The following PPARGC1A variants were observed in gnomAD, a reference collection of about 807,000 sequenced individuals.
PPARGC1A encodes peroxisome proliferator-activated receptor gamma coactivator 1-alpha.
Under a neutral mutation model 88.7 loss-of-function variants are expected in PPARGC1A, and 25 were observed. The observed-to-expected ratio is 0.28, with a 90% confidence interval of 0.21 to 0.39. PPARGC1A has a LOEUF of 0.39. Among genes scored for constraint, PPARGC1A ranks in the 10% least tolerant of loss-of-function variants. The pLI is 1.00. For synonymous variants in PPARGC1A, 363 were observed against 355.6 expected (o/e 1.02, Z -0.24); for missense variants, 880 against 968.7 (o/e 0.91, Z 1.22).
At chr4:24,351,469 TCAAAA>T in the PPARGC1A span, among the ~76,000 whole-genome samples, 1 of 150,912 alleles carries the variant, frequency 6.6e-6, no homozygotes, top group Non-Finnish European at 1.5e-5. Context: ...ACAAAACAAC[TCAAAA>T]TTTCCGAGCA....
the PPARGC1A span, among the ~76,000 whole-genome samples, chr4:24,345,338 A>G: frequency 1.3e-5 from 2 of 151,660 alleles, no homozygotes; most frequent in Non-Finnish European, 2.9e-5. Context: ...GAATTTGTAG[A>G]TTGCTTTTGG....
At chr4:23,826,053 C>G (rs777078915) in intron 5 of PPARGC1A, among the ~76,000 whole-genome samples, 1 of 152,054 alleles carries the variant, frequency 6.6e-6, no homozygotes, top group Non-Finnish European at 1.5e-5. Context: ...TTCTGGTTTT[C>G]AAGAGGTAGG....
the PPARGC1A span, among the ~76,000 whole-genome samples, chr4:24,011,698 G>A: frequency 6.6e-5 from 10 of 152,130 alleles, no homozygotes; most frequent in African/African-American, 1.7e-4. Context: ...TCCAGAACCC[G>A]CAGGAAAATG....
the PPARGC1A span, among the ~76,000 whole-genome samples, chr4:24,173,551 A>T: frequency 2.0e-5 from 3 of 152,114 alleles, no homozygotes; most frequent in Non-Finnish European, 2.9e-5. Context: ...AAATCAGACA[A>T]ATTGAAGTCA....
the PPARGC1A span, among the ~76,000 whole-genome samples, chr4:24,294,683 T>C: frequency 6.6e-6 from 1 of 152,240 alleles, no homozygotes; most frequent in South Asian, 2.1e-4. Flanking sequence ...TCTTCATTCA[T>C]AGATACCAAA....
chr4:23,880,281 C>A (rs61445102), intron 2 of PPARGC1A, among the ~76,000 whole-genome samples: 10,635 of 152,224 alleles, frequency 0.07, 411 homozygotes, highest in African/African-American at 0.085. Context: ...TTTTGCCTCC[C>A]AAACTAGATT....
chr4:24,056,635 G>A, the PPARGC1A span, among the ~76,000 whole-genome samples: 1 of 152,148 alleles, frequency 6.6e-6, no homozygotes, highest in Admixed American at 6.5e-5. Flanking sequence ...AACCAGCTGT[G>A]CAGGCTTGAA....
the PPARGC1A span, among the ~76,000 whole-genome samples, chr4:24,191,643 G>A: frequency 6.6e-6 from 1 of 151,924 alleles, no homozygotes; most frequent in Non-Finnish European, 1.5e-5. Flanking sequence ...TCCAGCCTGA[G>A]TTATGGAGCT....
intron 2 of PPARGC1A, chr4:23,883,570 A>G (rs1194338432): frequency 6.6e-6 from 1 of 152,172 alleles, no homozygotes; most frequent in Non-Finnish European, 1.5e-5. Flanking sequence ...AACCTCTCTG[A>G]GTTTCAGTGT....
upstream of PPARGC1A, among the ~76,000 whole-genome samples, chr4:23,905,748 G>C (rs79067975): frequency 5.9e-5 from 9 of 152,114 alleles, no homozygotes; most frequent in Admixed American, 1.3e-4. Flanking sequence ...GTTGAGAGAG[G>C]TTAAGTAACT....
At chr4:24,137,379 C>G in the PPARGC1A span, among the ~76,000 whole-genome samples, 1 of 152,068 alleles carries the variant, frequency 6.6e-6, no homozygotes, top group Non-Finnish European at 1.5e-5. Flanking sequence ...CACCCAGTCC[C>G]TGGTACTTTG....
chr4:24,142,577 G>A, the PPARGC1A span, among the ~76,000 whole-genome samples: 1 of 152,162 alleles, frequency 6.6e-6, no homozygotes, highest in Non-Finnish European at 1.5e-5. Flanking sequence ...GGGTGGCTGA[G>A]GCAGGAGGAT....
At chr4:24,207,906 C>T in the PPARGC1A span, among the ~76,000 whole-genome samples, 1 of 152,148 alleles carries the variant, frequency 6.6e-6, no homozygotes, top group Non-Finnish European at 1.5e-5. Context: ...AACAATTAGA[C>T]AATTCTGATT....
the PPARGC1A span, among the ~76,000 whole-genome samples, chr4:24,022,183 G>T: frequency 6.6e-6 from 1 of 152,156 alleles, no homozygotes; most frequent in Non-Finnish European, 1.5e-5. Context: ...GCTCTCTTTT[G>T]CTCTTTCTGC....
the PPARGC1A span, among the ~76,000 whole-genome samples, chr4:24,407,303 C>T: frequency 2.6e-5 from 4 of 152,306 alleles, no homozygotes; most frequent in East Asian, 7.7e-4. Flanking sequence ...ATTTCTGAGC[C>T]TCCTGCAGGC....
the PPARGC1A span, among the ~76,000 whole-genome samples, chr4:24,024,927 C>T: frequency 1.3e-5 from 2 of 152,170 alleles, no homozygotes; most frequent in Non-Finnish European, 2.9e-5. Flanking sequence ...AGCTCTGACC[C>T]TGGCTTGATT....
At chr4:24,470,592 A>T in the PPARGC1A span, among the ~76,000 whole-genome samples, 1 of 151,572 alleles carries the variant, frequency 6.6e-6, no homozygotes, top group Non-Finnish European at 1.5e-5. The surrounding 1 kb of genome is among the most constrained non-coding windows in gnomAD (Gnocchi z 5.8). Context: ...GCAAGTTTCT[A>T]CTCGCAGCGA....
chr4:24,397,012 T>TAGAATAAAGC, the PPARGC1A span, among the ~76,000 whole-genome samples: 8 of 152,120 alleles, frequency 5.3e-5, no homozygotes, highest in African/African-American at 1.9e-4. Context: ...TCAATAACTT[T>TAGAATAAAGC]AGAATAAAGT....
the PPARGC1A span, among the ~76,000 whole-genome samples, chr4:24,313,344 C>T: frequency 6.6e-6 from 1 of 152,178 alleles, no homozygotes; most frequent in Non-Finnish European, 1.5e-5. Context: ...TCAAAAGGAA[C>T]CATGAGGCAT....
Sources: allele counts gnomAD v4.1 joint callset (sites outside exome capture counted in the v4.1 genomes callset), GRCh38; gene constraint gnomAD v4.1.1; non-coding constraint Gnocchi (gnomAD v3.1); transcripts MANE v1.5; gene names NCBI Gene and HGNC (gene_info 2026-07-23, HGNC 2026-07-21).